OSBPL2: variants seen among roughly 807,000 people sequenced by gnomAD.
The protein encoded by OSBPL2 is oxysterol binding protein like 2.
Under a neutral mutation model 58.4 loss-of-function variants are expected in OSBPL2, and 18 were observed. That is an observed-to-expected ratio of 0.31 (90% CI 0.21 to 0.46). The LOEUF (loss-of-function observed/expected upper bound fraction) is 0.46, where lower values mean the gene tolerates loss of function less well. Among genes scored for constraint, OSBPL2 ranks in the 20% least tolerant of loss-of-function variants. The pLI is 1.00. For missense variants in OSBPL2, 461 were observed against 616.5 expected, an observed-to-expected ratio of 0.75 and a Z score of 2.67; for synonymous variants, 221 against 234.1, an observed-to-expected ratio of 0.94 and a Z score of 0.51.
intron 3 of OSBPL2, among the ~76,000 whole-genome samples, chr20:62,262,680 G>A (rs1981395709): frequency 6.6e-6 from 1 of 152,194 alleles, no homozygotes; most frequent in Non-Finnish European, 1.5e-5. Flanking sequence ...CTGCCCTGAC[G>A]TGGCATTCCC....
At position 62,288,562 on chromosome 20, in the gene OSBPL2, A is replaced by G. The variant is rs1983288401; in HGVS notation, c.1126-645A>G. 6.8e-6 allele frequency among the ~76,000 whole-genome samples: 1 copy of G among 146,158 alleles called. No individual in the cohort carries two copies. Among genetic ancestry groups the G allele is most frequent in the South Asian group, 2.2e-4 (1 of 4,568 alleles). On this transcript the variant is annotated intron_variant, in intron 11 of 13. Coordinates refer to ENST00000313733, the MANE Select transcript of OSBPL2 (RefSeq NM_144498.4). This position sits in a 1 kb window ranked among gnomAD's most constrained non-coding sequence, Gnocchi z 4.8. ...GGGAGGCTGTGGGTGCAGAGGCCGG[A>G]GGCTGTGGGTGCAGAGGCTGGGAGG...
At chr20:62,244,417 C>G (rs962077812) in intron 1 of OSBPL2, among the ~76,000 whole-genome samples, 4 of 152,228 alleles carry the variant, frequency 2.6e-5, no homozygotes, top group African/African-American at 9.6e-5. Context: ...TTGGAGTGCT[C>G]TCCCTGCCCT....
At position 62,256,228 on chromosome 20, in the gene OSBPL2, CAAAAG is replaced by C. The variant is rs760941707; in HGVS notation, c.37+9_37+13del. The C allele has an allele frequency of 7.3e-5, 117 of 1,613,168 alleles. No homozygotes were observed. Among genetic ancestry groups the C allele is most frequent in the Non-Finnish European group, 9.4e-5 (111 of 1,179,502 alleles). ...TTCTTTGATGCCGTCACAGGTGAGTCAAAAGAGAACCAACTGGGGACGTACTGGAA... is the reference window on the plus strand; with the variant it reads ...TTCTTTGATGCCGTCACAGGTGAGTCAGAACCAACTGGGGACGTACTGGAA... On this transcript the variant is annotated splice_region_variant and intron_variant, in intron 2 of 13. Transcript: ENST00000313733.
intron 1 of OSBPL2, among the ~76,000 whole-genome samples, chr20:62,243,486 C>T (rs530457599): frequency 3.0e-4 from 46 of 152,038 alleles, no homozygotes; most frequent in Non-Finnish European, 6.0e-4. Context: ...GCAGCTCCGC[C>T]TCTTCAGTGG....
chr20:62,279,497 G>C (rs79554310), intron 7 of OSBPL2, 158 bp downstream of exon 7: 9,203 of 699,424 alleles, frequency 0.013, 108 homozygotes, highest in South Asian at 0.028. Flanking sequence ...TGAGCTTCCT[G>C]ACCAGGGTCC....
chr20:62,287,188 T>G (rs1333682673), intron 11 of OSBPL2, among the ~76,000 whole-genome samples: 1 of 151,316 alleles, frequency 6.6e-6, no homozygotes, highest in Non-Finnish European at 1.5e-5. Context: ...CTTATAATTT[T>G]TATTAAATAT....
chr20:62,275,458 A>T (rs911896539), intron 6 of OSBPL2, among the ~76,000 whole-genome samples: 4 of 151,220 alleles, frequency 2.6e-5, no homozygotes, highest in African/African-American at 9.7e-5. Context: ...AAGTTCAGTG[A>T]CATGATCACG....
intron 2 of OSBPL2, among the ~76,000 whole-genome samples, chr20:62,256,481 GC>G (rs1980931608): frequency 6.6e-6 from 1 of 152,188 alleles, no homozygotes; most frequent in Admixed American, 6.5e-5. Flanking sequence ...TCCTGAGATA[GC>G]CATCTTCTTC....
chr20:62,253,759 C>G (rs968925526), intron 1 of OSBPL2, among the ~76,000 whole-genome samples: 1 of 149,214 alleles, frequency 6.7e-6, no homozygotes. Flanking sequence ...GGAGAGAGCA[C>G]ACTAAAGGGG....
At position 62,248,546 on chromosome 20, in the gene OSBPL2, C is replaced by T. The variant is rs1466352315; in HGVS notation, c.-128-7511C>T. Among the ~76,000 whole-genome samples, 5 of 152,098 alleles carry T rather than the reference C, an allele frequency of 3.3e-5. No individual in the cohort carries two copies. The East Asian group carries it at 7.7e-4, about 23-fold the overall frequency. ...GTGCACTCTCTGTGTCCAGCATGTC[C>T]GGGGTGCCCTGCCTGTTTCTGATGG... On this transcript the variant is annotated intron_variant, in intron 1 of 13. Coordinates refer to ENST00000313733, the MANE Select transcript of OSBPL2 (RefSeq NM_144498.4).
chr20:62,289,707 C>T (rs899605605), intron 12 of OSBPL2, among the ~76,000 whole-genome samples: 37 of 152,236 alleles, frequency 2.4e-4, no homozygotes, highest in African/African-American at 7.0e-4. Flanking sequence ...AGTTCGAAAC[C>T]ATCCTGGCCA....
chr20:62,256,297 T>G (rs1882610377), intron 2 of OSBPL2, 76 bp downstream of exon 2: 6 of 1,384,836 alleles, frequency 4.3e-6, no homozygotes, highest in Admixed American at 3.5e-5. Context: ...GACCTGGCGT[T>G]TGGGGTGTAA....
intron 4 of OSBPL2, among the ~76,000 whole-genome samples, chr20:62,268,646 C>G (rs1981852014): frequency 6.6e-6 from 1 of 152,144 alleles, no homozygotes; most frequent in South Asian, 2.1e-4. Context: ...GTCGCCCAGT[C>G]TGGAGTGCAG....
intron 3 of OSBPL2, 89 bp from the exon 4 acceptor site, chr20:62,263,527 A>G: frequency 6.7e-6 from 7 of 1,045,462 alleles, no homozygotes; most frequent in Non-Finnish European, 1.0e-5. Context: ...AGTAAAAATT[A>G]AAGAGAAATC....
intron 10 of OSBPL2, chr20:62,285,205 T>G (rs967398590): frequency 1.1e-4 from 16 of 152,214 alleles, no homozygotes; most frequent in African/African-American, 3.9e-4. Context: ...ATCACCCTCT[T>G]TTATTTAAAA....
At position 62,260,069 on chromosome 20, in the gene OSBPL2, T is replaced by C. The variant is rs1187708664; in HGVS notation, c.126T>C (p.Asn42=). The C allele has an allele frequency of 6.2e-7, 1 of 1,613,800 alleles. No individual in the cohort carries two copies. Among genetic ancestry groups the C allele is most frequent in the Admixed American group, 1.7e-5 (1 of 59,996 alleles). The part of the protein sequence containing the change: ...GMIDLDTSKN[N]RIGKTGERPS... ...TTGACTTAGACACCAGCAAAAATAA[T>C]AGGATTGGGAAAACTGGGGAGAGGC... The change falls in exon 3 of 14, where the codon AAT becomes AAC. Residue 42 remains asparagine (N), a synonymous_variant. Transcript: ENST00000313733.
intron 12 of OSBPL2, among the ~76,000 whole-genome samples, 173 bp downstream of exon 12, chr20:62,289,503 G>A (rs1000385698): frequency 2.0e-5 from 3 of 152,214 alleles, no homozygotes; most frequent in Admixed American, 6.5e-5. Context: ...TTCTCAGACC[G>A]TCTGTGGTGA....
intron 1 of OSBPL2, among the ~76,000 whole-genome samples, chr20:62,252,799 C>T (rs774639875): frequency 2.6e-5 from 4 of 152,238 alleles, no homozygotes; most frequent in Non-Finnish European, 5.9e-5. Context: ...GAAGGCGAAG[C>T]GGGTGCAGGC....
chr20:62,253,778 C>T (rs1184729189), intron 1 of OSBPL2, among the ~76,000 whole-genome samples: 1 of 101,436 alleles, frequency 9.9e-6, no homozygotes, highest in East Asian at 3.0e-4. Flanking sequence ...GGGCCAAACT[C>T]GCCCTTTTAT....
Sources: allele counts gnomAD v4.1 joint callset (sites outside exome capture counted in the v4.1 genomes callset), GRCh38; gene constraint gnomAD v4.1.1; non-coding constraint Gnocchi (gnomAD v3.1); transcripts MANE v1.5; gene names NCBI Gene and HGNC (gene_info 2026-07-23, HGNC 2026-07-21).